SNTG1: variants seen among roughly 807,000 people sequenced by gnomAD.
The protein encoded by SNTG1 is gamma-1-syntrophin.
Under a neutral mutation model 74.7 loss-of-function variants are expected in SNTG1, and 39 were observed. The observed-to-expected ratio is 0.52, with a 90% CI of 0.40 to 0.68. The LOEUF (loss-of-function observed/expected upper bound fraction) is 0.68, where lower values mean the gene tolerates loss of function less well. SNTG1 is among the 30% of genes least tolerant of loss of function. The pLI is 0.00. For synonymous variants in SNTG1, 254 were observed against 217.1 expected (o/e 1.17, Z -1.49); for missense variants, 685 against 609.5 (o/e 1.12, Z -1.30).
chr8:50,607,414 A>G (rs2094820589), intron 13 of SNTG1, among the ~76,000 whole-genome samples: 2 of 151,628 alleles, frequency 1.3e-5, no homozygotes, highest in Admixed American at 1.3e-4. Context: ...TCAAGTTATC[A>G]AATTTATTTT....
Position 50,112,760 on chromosome 8 carries a change from C to T in SNTG1, c.-102-59801C>T, listed in dbSNP as rs545571477. Among the ~76,000 whole-genome samples, 90 of 152,008 alleles carry T rather than the reference C, an allele frequency of 5.9e-4. 1 individual carries two copies. The highest frequency in any genetic ancestry group is 1.6e-3 in the Admixed American group (25 of 15,248). On this transcript the variant is annotated intron_variant, in intron 1 of 18. Coordinates refer to ENST00000642720, the MANE Select transcript of SNTG1 (RefSeq NM_018967.5). ...CTGGTCTCAAGTGATCCACCTGCTTCGGCCTCCTAAAGTGCTGGGATTACA... is the reference window on the plus strand; with the variant it reads ...CTGGTCTCAAGTGATCCACCTGCTTTGGCCTCCTAAAGTGCTGGGATTACA...
intron 13 of SNTG1, among the ~76,000 whole-genome samples, chr8:50,618,849 C>A (rs1257369303): frequency 2.0e-5 from 3 of 151,454 alleles, no homozygotes; most frequent in Admixed American, 6.6e-5. Flanking sequence ...GCAGGAAATG[C>A]ATTTTAGAGT....
chr8:50,146,091 C>T (rs779705861), intron 1 of SNTG1, among the ~76,000 whole-genome samples: 12 of 151,990 alleles, frequency 7.9e-5, no homozygotes, highest in South Asian at 4.1e-4. Context: ...AATGCCTATA[C>T]TTAATGTTAT....
chr8:50,207,831 G>C (rs1000883622), intron 2 of SNTG1, among the ~76,000 whole-genome samples: 15 of 152,166 alleles, frequency 9.9e-5, no homozygotes, highest in African/African-American at 3.6e-4. Flanking sequence ...GTACCCAGTA[G>C]TCATTCAAGA....
intron 2 of SNTG1, among the ~76,000 whole-genome samples, chr8:50,338,210 A>C (rs2091213083): frequency 6.6e-6 from 1 of 152,168 alleles, no homozygotes; most frequent in Admixed American, 6.5e-5. Flanking sequence ...AAATGCAAAA[A>C]GGGAGACAAA....
chr8:50,783,791 G>A (rs569400255), intron 18 of SNTG1, among the ~76,000 whole-genome samples: 12 of 152,292 alleles, frequency 7.9e-5, no homozygotes, highest in Middle Eastern at 3.4e-3. Context: ...CTTCTGCGTC[G>A]CTCACGCTGG....
intron 1 of SNTG1, among the ~76,000 whole-genome samples, chr8:50,074,346 G>A (rs2131024849): frequency 6.6e-6 from 1 of 152,272 alleles, no homozygotes; most frequent in Non-Finnish European, 1.5e-5. Flanking sequence ...CTGTGGATTA[G>A]GCATTGGTTT....
intron 17 of SNTG1, among the ~76,000 whole-genome samples, chr8:50,735,956 G>A (rs1027661772): frequency 1.3e-5 from 2 of 151,978 alleles, no homozygotes; most frequent in African/African-American, 4.8e-5. Context: ...AAGAGATTGG[G>A]GGCCAATATT....
intron 1 of SNTG1, among the ~76,000 whole-genome samples, chr8:49,943,496 A>G (rs554476013): frequency 6.6e-6 from 1 of 152,390 alleles, no homozygotes; most frequent in South Asian, 2.1e-4. Context: ...ATACTTGTTC[A>G]GGCTAGGAGA....
At chr8:50,522,193 A>G (rs952547144) in intron 9 of SNTG1, among the ~76,000 whole-genome samples, 1 of 152,142 alleles carries the variant, frequency 6.6e-6, no homozygotes, top group African/African-American at 2.4e-5. Flanking sequence ...ATTTTGTGTT[A>G]GCAGGCATGA....
At chr8:49,937,492 G>A (rs1808194135) in intron 1 of SNTG1, among the ~76,000 whole-genome samples, 1 of 152,096 alleles carries the variant, frequency 6.6e-6, no homozygotes, top group Non-Finnish European at 1.5e-5. Context: ...CTTTTTATTT[G>A]TACTGTTTCA....
intron 2 of SNTG1, among the ~76,000 whole-genome samples, chr8:50,310,807 A>G (rs1046276455): frequency 6.6e-6 from 1 of 152,236 alleles, no homozygotes; most frequent in African/African-American, 2.4e-5. Context: ...AACAATTAGT[A>G]TTGTGAGATA....
chr8:50,724,129 T>C (rs1476555361), intron 17 of SNTG1, among the ~76,000 whole-genome samples: 1 of 152,242 alleles, frequency 6.6e-6, no homozygotes, highest in East Asian at 1.9e-4. Flanking sequence ...GTGTTATTTG[T>C]ATTTAACATT....
intron 18 of SNTG1, among the ~76,000 whole-genome samples, chr8:50,778,320 C>CA (rs2095647438): frequency 6.6e-6 from 1 of 152,218 alleles, no homozygotes; most frequent in African/African-American, 2.4e-5. Flanking sequence ...GTCCCACTGA[C>CA]AGTGTAAAAG....
At chr8:50,409,509 ATAG>A (rs770816379) in intron 4 of SNTG1, among the ~76,000 whole-genome samples, 13 of 152,226 alleles carry the variant, frequency 8.5e-5, no homozygotes, top group Non-Finnish European at 1.9e-4. Context: ...TTAGATGCAG[ATAG>A]TAAAGTGACT....
intron 1 of SNTG1, among the ~76,000 whole-genome samples, chr8:50,109,403 C>T (rs570185237): frequency 5.6e-4 from 86 of 152,262 alleles, no homozygotes; most frequent in African/African-American, 1.9e-3. Flanking sequence ...TTACCAAAAA[C>T]ATGCCAGGAG....
intron 2 of SNTG1, among the ~76,000 whole-genome samples, chr8:50,210,212 G>T (rs1000503937): frequency 2.0e-5 from 3 of 152,172 alleles, no homozygotes; most frequent in African/African-American, 7.2e-5. Flanking sequence ...AAGCCTCCAA[G>T]AAATATGGGA....
intron 15 of SNTG1, among the ~76,000 whole-genome samples, chr8:50,701,253 G>T (rs190625612): frequency 2.0e-5 from 3 of 152,300 alleles, no homozygotes; most frequent in African/African-American, 7.2e-5. Context: ...TAAGGTAGAT[G>T]TTGAAATATC....
intron 17 of SNTG1, among the ~76,000 whole-genome samples, chr8:50,727,920 C>A (rs373124190): frequency 3.4e-4 from 52 of 152,292 alleles, no homozygotes; most frequent in African/African-American, 1.2e-3. Flanking sequence ...ACAATTATCC[C>A]TGCAGAAGGT....
Sources: gnomAD v4.1 joint callset for allele counts (sites outside exome capture counted in the v4.1 genomes callset) on GRCh38, gnomAD v4.1.1 for gene constraint, MANE v1.5 for transcripts, NCBI Gene and HGNC (gene_info 2026-07-23, HGNC 2026-07-21) for gene names.